Variants in CCDC88C observed in about 807,000 individuals in gnomAD.
CCDC88C encodes the protein protein Daple.
In CCDC88C, 131 loss-of-function variants were observed where a neutral mutation model predicts 198.8. The ratio of observed to expected loss-of-function variants is 0.66; its 90% confidence interval spans 0.57 to 0.76. The LOEUF is 0.76. CCDC88C is among the 30% of genes least tolerant of loss of function. The pLI is 0.00. For missense variants in CCDC88C, 2,553 were observed against 2,631.6 expected (o/e 0.97, Z 0.65); for synonymous variants, 1,166 against 1,114.7 (o/e 1.05, Z -0.92).
chr14:91,283,334 G>C lies in CCDC88C; in HGVS notation c.4625C>G (p.Thr1542Ser), dbSNP rs1225512473. ...TGGAAGGGCCTGTGACTCACCTTTG[G>C]TGCGGCCTGGGTGCCGGGCGATGGG... ...STPIARHPGR[T>S]KGYNSDDNLC... Residue 1542 changes from threonine (T) to serine (S), a missense_variant, in exon 26 of 30, where the codon ACC becomes AGC. Thr to Ser is a moderately conservative substitution (Grantham distance 58). This residue lies in a region of CCDC88C where 1,293 missense variants were observed against 1,219.6 expected (regional missense o/e 1.06). Transcript: ENST00000389857. 6.2e-7 allele frequency: 1 copy of C among 1,613,124 alleles called. No individual in the cohort carries two copies. Among genetic ancestry groups the C allele is most frequent in the Admixed American group, 1.7e-5 (1 of 59,938 alleles).
intron 5 of CCDC88C, among the ~76,000 whole-genome samples, 187 bp from the exon 6 acceptor site, chr14:91,342,650 T>A (rs1893358641): frequency 6.6e-6 from 1 of 152,210 alleles, no homozygotes; most frequent in African/African-American, 2.4e-5. Context: ...CAGGACCACT[T>A]ACATCAGAAT....
At position 91,387,542 on chromosome 14, in the gene CCDC88C, G is replaced by C. The variant is rs138366106; in HGVS notation, c.270+21117C>G. Among the ~76,000 whole-genome samples the C allele has an allele frequency of 1.7e-3, 256 of 152,322 alleles. 2 individuals are homozygous for C. The highest frequency in any genetic ancestry group is 6.0e-3 in the African/African-American group (251 of 41,578). ...TGTTGCCCCCAGATTTCCAAAGCCA[G>C]ATGGAAACTGACAAACCTGAACTCT... On this transcript the variant is annotated intron_variant, in intron 3 of 29. Coordinates refer to ENST00000389857, the MANE Select transcript of CCDC88C (RefSeq NM_001080414.4).
chr14:91,314,511 G>A (rs1325810713), intron 14 of CCDC88C, among the ~76,000 whole-genome samples: 1 of 152,210 alleles, frequency 6.6e-6, no homozygotes, highest in Admixed American at 6.5e-5. Flanking sequence ...TCCTAGCCCA[G>A]CTGACTGTGA....
At chr14:91,367,816 T>C (rs73338436) in intron 3 of CCDC88C, among the ~76,000 whole-genome samples, 3 of 151,998 alleles carry the variant, frequency 2.0e-5, no homozygotes, top group Non-Finnish European at 4.4e-5. Flanking sequence ...CTACCAACAC[T>C]CTCTGCGCTT....
intron 2 of CCDC88C, among the ~76,000 whole-genome samples, chr14:91,410,486 TG>T (rs1358466354): frequency 6.6e-6 from 1 of 152,196 alleles, no homozygotes; most frequent in Non-Finnish European, 1.5e-5. Context: ...CAAATGTTTC[TG>T]GAAGTACAGT....
Position 91,339,552 on chromosome 14 carries a change from A to G in CCDC88C, c.625-90T>C, listed in dbSNP as rs1029661869. On this transcript the variant is annotated intron_variant, in intron 7 of 29. Coordinates refer to ENST00000389857, the MANE Select transcript of CCDC88C (RefSeq NM_001080414.4). The surrounding 1 kb of genome is among the most constrained non-coding windows in gnomAD (Gnocchi z 5.8). ...TTGAACAGGGTGAAGAAACCGCCAA[A>G]AGACAGATATTTCAGCGGAGACTAA... is the stretch of plus-strand genomic sequence containing the variant. 5.6e-6 allele frequency: 7 copies of G among 1,260,888 alleles called. No homozygotes were observed. The African/African-American group carries it at 1.1e-4, about 19-fold the overall frequency. 78.1% of individuals were successfully genotyped at this position (1,260,888 alleles called of 1,614,324 possible). A position where few individuals can be genotyped will look rare whatever the true frequency, so the allele number is the denominator to read the frequency against.
chr14:91,403,833 G>A (rs1886342201), intron 3 of CCDC88C, among the ~76,000 whole-genome samples: 1 of 152,252 alleles, frequency 6.6e-6, no homozygotes, highest in African/African-American at 2.4e-5. Flanking sequence ...GGGAGGCTGA[G>A]GTAGGAGGAT....
At chr14:91,319,321 C>T (rs1892247365) in intron 13 of CCDC88C, among the ~76,000 whole-genome samples, 1 of 152,222 alleles carries the variant, frequency 6.6e-6, no homozygotes, top group Non-Finnish European at 1.5e-5. Flanking sequence ...ACAAGACTGG[C>T]TTGCAAACTC....
chr14:91,336,496 C>T (rs1048638861), intron 10 of CCDC88C, among the ~76,000 whole-genome samples: 10 of 152,154 alleles, frequency 6.6e-5, no homozygotes, highest in Non-Finnish European at 1.0e-4. Context: ...CATGACAGTC[C>T]CCAGCCCTCC....
intron 10 of CCDC88C, among the ~76,000 whole-genome samples, chr14:91,327,594 C>A (rs577475858): frequency 6.6e-6 from 1 of 152,180 alleles, no homozygotes; most frequent in African/African-American, 2.4e-5. Flanking sequence ...CCTGACAGGC[C>A]GCAGACCCGG....
chr14:91,323,062 C>T (rs1030082494), intron 12 of CCDC88C, among the ~76,000 whole-genome samples: 12 of 152,044 alleles, frequency 7.9e-5, no homozygotes, highest in South Asian at 6.2e-4. Flanking sequence ...TGCACCACCA[C>T]GCCTGACTAA....
intron 3 of CCDC88C, among the ~76,000 whole-genome samples, chr14:91,396,729 G>A (rs1198642234): frequency 6.6e-6 from 1 of 152,114 alleles, no homozygotes; most frequent in African/African-American, 2.4e-5. Context: ...TCCCCAAGAT[G>A]GGCTCATAAA....
At position 91,278,066 on chromosome 14, in the gene CCDC88C, G is replaced by A. The variant is rs755677560; in HGVS notation, c.4914C>T (p.Asn1638=). ...GGGCACCCTCCTGTGGGAGAGGCCCGTTCCGAGGCAAGGGGTACTCGTGGC... is the reference window on the plus strand; with the variant it reads ...GGGCACCCTCCTGTGGGAGAGGCCCATTCCGAGGCAAGGGGTACTCGTGGC... ...LGRHEYPLPR[N]GPLPQEGAQK... The change falls in exon 29 of 30, where the codon AAC becomes AAT. Residue 1638 remains asparagine (N), a synonymous_variant. Coordinates refer to ENST00000389857, the MANE Select transcript of CCDC88C (RefSeq NM_001080414.4). The A allele has an allele frequency of 1.6e-5, 26 of 1,611,470 alleles. No individual in the cohort carries two copies. Among genetic ancestry groups the A allele is most frequent in the African/African-American group, 5.3e-5 (4 of 74,892 alleles).
chr14:91,385,045 C>A lies in CCDC88C; in HGVS notation c.270+23614G>T, dbSNP rs1488801230. 2.0e-5 allele frequency among the ~76,000 whole-genome samples: 3 copies of A among 152,300 alleles called. No homozygotes were observed. In the South Asian group the frequency reaches 6.2e-4, roughly 32 times the overall value. On this transcript the variant is annotated intron_variant, in intron 3 of 29. Transcript: ENST00000389857. Reference sequence around the variant, plus strand: ...TCCCTGGAAGCCTTTTCTAATGAGCCACATGGTGAGACCGGCACTACCAAT... The same window carrying A: ...TCCCTGGAAGCCTTTTCTAATGAGCAACATGGTGAGACCGGCACTACCAAT...
At position 91,339,118 on chromosome 14, in the gene CCDC88C, G is replaced by A; in HGVS notation, c.809+160C>T. On this transcript the variant is annotated intron_variant, in intron 8 of 29. Transcript: ENST00000389857. This position sits in a 1 kb window ranked among gnomAD's most constrained non-coding sequence, Gnocchi z 5.8. ...TGTGCAGGCCTCAGAAGGGGAGGCA[G>A]CTAGTCCGAGGTCAAAGAGTAAGCT... 1 of 814,194 alleles carries A rather than the reference G, an allele frequency of 1.2e-6. No homozygotes were observed. Among genetic ancestry groups the A allele is most frequent in the African/African-American group, 1.7e-5 (1 of 59,244 alleles). The allele number at this position is 814,194 out of a possible 1,614,324, so 50.4% of individuals were successfully genotyped here. A position where few individuals can be genotyped will look rare whatever the true frequency, so the allele number is the denominator to read the frequency against.
At chr14:91,377,555 G>A (rs1439345195) in intron 3 of CCDC88C, among the ~76,000 whole-genome samples, 2 of 151,830 alleles carry the variant, frequency 1.3e-5, no homozygotes, top group Admixed American at 6.5e-5. Flanking sequence ...GCCCCCCCCC[G>A]GTGCCACTTC....
intron 3 of CCDC88C, among the ~76,000 whole-genome samples, chr14:91,377,696 C>T (rs1353146105): frequency 6.6e-6 from 1 of 152,170 alleles, no homozygotes; most frequent in African/African-American, 2.4e-5. Flanking sequence ...GTAACAAAGA[C>T]CTTAAAAATT....
At chr14:91,278,596 T>C (rs1890065854) in intron 28 of CCDC88C, among the ~76,000 whole-genome samples, 1 of 152,160 alleles carries the variant, frequency 6.6e-6, no homozygotes, top group African/African-American at 2.4e-5. Flanking sequence ...AAACCATACA[T>C]GTTCCGAGAA....
intron 10 of CCDC88C, among the ~76,000 whole-genome samples, chr14:91,332,967 C>T (rs1018262943): frequency 1.4e-4 from 21 of 152,340 alleles, no homozygotes; most frequent in South Asian, 2.1e-4. Context: ...CCTGCCTTTC[C>T]GGAGGGAATC....
Sources: gnomAD v4.1 joint callset for allele counts (sites outside exome capture counted in the v4.1 genomes callset) on GRCh38, gnomAD v4.1.1 for gene constraint, gnomAD v4.1.1 regional missense constraint, Gnocchi (gnomAD v3.1) non-coding constraint, MANE v1.5 for transcripts, NCBI Gene and HGNC (gene_info 2026-07-23, HGNC 2026-07-21) for gene names.